MDN1: variants seen among roughly 807,000 people sequenced by gnomAD.
MDN1 encodes the protein midasin.
In MDN1, 266 loss-of-function variants were observed where a neutral mutation model predicts 669.2. The observed-to-expected ratio is 0.40, with a 90% CI of 0.36 to 0.44. The LOEUF is 0.44. MDN1 is among the 20% of genes least tolerant of loss of function. The pLI, the probability that MDN1 is intolerant of heterozygous loss-of-function variation, is 1.00. For missense variants in MDN1, 5,940 were observed against 6,754.0 expected, an observed-to-expected ratio of 0.88 and a Z score of 4.22; for synonymous variants, 2,385 against 2,457.1, an observed-to-expected ratio of 0.97 and a Z score of 0.87.
At chr6:89,770,856 T>C (rs1285667379) in intron 15 of MDN1, among the ~76,000 whole-genome samples, 2 of 152,212 alleles carry the variant, frequency 1.3e-5, no homozygotes, top group Admixed American at 1.3e-4. Flanking sequence ...TAATTGATTA[T>C]ATACTTGCCT....
chr6:89,733,253 A>T (rs865955300), intron 33 of MDN1, among the ~76,000 whole-genome samples: 11 of 151,610 alleles, frequency 7.3e-5, no homozygotes, highest in Admixed American at 2.6e-4. Flanking sequence ...TTTTACATCT[A>T]TTCAGCAATC....
intron 8 of MDN1, 93 bp from the exon 9 acceptor site, chr6:89,785,219 C>T (rs1818896125): frequency 1.2e-6 from 1 of 815,472 alleles, no homozygotes; most frequent in Non-Finnish European, 2.1e-6. Context: ...CACTGTCTCA[C>T]ATAGGAAAAA....
chr6:89,672,552 T>G lies in MDN1; in HGVS notation c.13625A>C (p.Asp4542Ala). 6.2e-7 allele frequency: 1 copy of G among 1,611,534 alleles called. No individual in the cohort carries two copies. The highest frequency in any genetic ancestry group is 1.3e-5 in the African/African-American group (1 of 74,858). ...CTGCCTGATTTCAGACATACCATAA[T>G]CTTCTTGTGGGCTTGCTTGGTCAGT... ...ENTDQASPQEDYAGFERLQSG... is the reference protein window; with the variant it reads ...ENTDQASPQEAYAGFERLQSG... The change falls in exon 81 of 102, where the codon GAT (aspartate) becomes GCT (alanine). Residue 4542 changes from aspartate (D) to alanine (A), a missense_variant. Around this residue, in one of 5 missense-constraint regions of MDN1, gnomAD observed 2,280 missense variants for 2,576.3 expected, o/e 0.88. Coordinates refer to ENST00000369393, the MANE Select transcript of MDN1 (RefSeq NM_014611.3).
At chr6:89,644,640 C>T (rs1013168202) in intron 101 of MDN1, among the ~76,000 whole-genome samples, 5 of 152,204 alleles carry the variant, frequency 3.3e-5, no homozygotes, top group Admixed American at 6.5e-5. Context: ...AGTGTGGCAA[C>T]ACCTAATCTC....
chr6:89,687,285 T>G (rs1263210540), intron 68 of MDN1, 59 bp downstream of exon 68: 1 of 1,470,272 alleles, frequency 6.8e-7, no homozygotes, highest in African/African-American at 1.4e-5. Context: ...AAATTTAAAC[T>G]ACCAAAAGAC....
rs917309841 is a variant in MDN1 at position 89,644,292 on chromosome 6, G to A, written c.16603-99C>T. The A allele has an allele frequency of 8.1e-6, 8 of 991,452 alleles. No individual in the cohort carries two copies. In the African/African-American group the frequency reaches 9.8e-5, roughly 12 times the overall value. 61.4% of individuals were successfully genotyped at this position (991,452 alleles called of 1,614,324 possible). ...TCTTTTGCTAACTTTTACATCTCCT[G>A]TGTCTTATTCCTGCATATGAACCTA... On this transcript the variant is annotated intron_variant, in intron 101 of 101. Coordinates refer to ENST00000369393, the MANE Select transcript of MDN1 (RefSeq NM_014611.3).
chr6:89,682,342 G>A (rs750196434), intron 73 of MDN1, among the ~76,000 whole-genome samples: 2 of 152,164 alleles, frequency 1.3e-5, no homozygotes, highest in Non-Finnish European at 2.9e-5. Context: ...ATTTTAAGCA[G>A]CAAGGCCAAG....
chr6:89,800,837 G>A (rs1467673267), intron 2 of MDN1, among the ~76,000 whole-genome samples: 2 of 152,130 alleles, frequency 1.3e-5, no homozygotes, highest in Admixed American at 6.6e-5. Flanking sequence ...TGTGGGGTCT[G>A]TACTAAACCC....
intron 15 of MDN1, among the ~76,000 whole-genome samples, chr6:89,768,264 G>A (rs1334127288): frequency 6.6e-6 from 1 of 152,018 alleles, no homozygotes; most frequent in Non-Finnish European, 1.5e-5. Flanking sequence ...AGGGACAGGT[G>A]GGAGGTAATT....
intron 71 of MDN1, 33 bp downstream of exon 71, chr6:89,684,843 C>A (rs1308175657): frequency 7.2e-7 from 1 of 1,398,450 alleles, no homozygotes; most frequent in East Asian, 2.3e-5. Flanking sequence ...ATTTTGTCCT[C>A]CCAAGAGTGA....
At chr6:89,711,124 T>C (rs1424047026) in intron 49 of MDN1, among the ~76,000 whole-genome samples, 1 of 152,164 alleles carries the variant, frequency 6.6e-6, no homozygotes, top group Non-Finnish European at 1.5e-5. Context: ...TATTGACAAA[T>C]TCTCATGAAG....
chr6:89,775,169 G>A lies in MDN1; in HGVS notation c.1822-436C>T, dbSNP rs554261599. Among the ~76,000 whole-genome samples, 14 of 152,312 alleles carry A rather than the reference G, an allele frequency of 9.2e-5. No homozygotes were observed. In the South Asian group the frequency reaches 2.3e-3, roughly 25 times the overall value. On this transcript the variant is annotated intron_variant, in intron 12 of 101. Transcript: ENST00000369393. ...AGAGCTGTGGCAGATGCTCCTGGAT[G>A]TCTACCCAACAGCCATTCCTCTCTT...
chr6:89,649,884 C>A (rs1562031860), intron 97 of MDN1, 140 bp downstream of exon 97: 1 of 888,474 alleles, frequency 1.1e-6, no homozygotes, highest in Non-Finnish European at 1.7e-6. Flanking sequence ...TCAAAACAGG[C>A]CTAACAGGTA....
At chr6:89,740,014 T>C (rs976541312) in intron 32 of MDN1, among the ~76,000 whole-genome samples, 16 of 152,208 alleles carry the variant, frequency 1.1e-4, no homozygotes, top group African/African-American at 3.1e-4. Context: ...CAATGACATT[T>C]CAGGCACATA....
intron 26 of MDN1, among the ~76,000 whole-genome samples, chr6:89,747,801 G>C (rs908472946): frequency 1.1e-4 from 16 of 143,702 alleles, no homozygotes; most frequent in African/African-American, 4.1e-4. Context: ...TGAGGGAGGA[G>C]AACCGCATGA....
At position 89,734,661 on chromosome 6, in the gene MDN1, A is replaced by T. The variant is rs896177269; in HGVS notation, c.4724-1886T>A. ...GATGACAGAGCCAGACATTGTCTCA[A>T]AGGAAGAAGAAAAAAAAAAAAAAAA... On this transcript the variant is annotated intron_variant, in intron 33 of 101. Coordinates refer to ENST00000369393, the MANE Select transcript of MDN1 (RefSeq NM_014611.3). Among the ~76,000 whole-genome samples the T allele has an allele frequency of 2.2e-5, 3 of 139,404 alleles. No individual in the cohort carries two copies. The Admixed American group carries it at 2.3e-4, about 10-fold the overall frequency. 91.5% of individuals were successfully genotyped at this position (139,404 alleles called of 152,430 possible). A position where few individuals can be genotyped will look rare whatever the true frequency, so the allele number is the denominator to read the frequency against.
At chr6:89,750,719 C>G (rs531396321) in intron 23 of MDN1, among the ~76,000 whole-genome samples, 187 bp from the exon 24 acceptor site, 22 of 152,270 alleles carry the variant, frequency 1.4e-4, no homozygotes, top group Non-Finnish European at 2.2e-4. Context: ...CCTCCCACCT[C>G]AGCCTCTTGA....
intron 33 of MDN1, among the ~76,000 whole-genome samples, chr6:89,737,175 A>G (rs1420466567): frequency 6.6e-6 from 1 of 152,154 alleles, no homozygotes; most frequent in Non-Finnish European, 1.5e-5. Flanking sequence ...GTGCGTACCT[A>G]TAAATGTGGC....
chr6:89,668,740 T>TAAAC (rs1810440461), intron 83 of MDN1, among the ~76,000 whole-genome samples: 1 of 152,190 alleles, frequency 6.6e-6, no homozygotes, highest in Non-Finnish European at 1.5e-5. Flanking sequence ...CCCAAACCAG[T>TAAAC]AAACACTAAT....
Sources: gnomAD v4.1 joint callset for allele counts (sites outside exome capture counted in the v4.1 genomes callset) on GRCh38, gnomAD v4.1.1 for gene constraint, gnomAD v4.1.1 regional missense constraint, MANE v1.5 for transcripts, NCBI Gene and HGNC (gene_info 2026-07-23, HGNC 2026-07-21) for gene names.